FIG4: variants seen among roughly 807,000 people sequenced by gnomAD.
The protein encoded by FIG4 is FIG4 phosphoinositide 5-phosphatase, also known as polyphosphoinositide phosphatase.
A neutral mutation model predicts 118.6 loss-of-function variants in FIG4; 112 were observed. That is an observed-to-expected ratio of 0.94 (90% CI 0.81 to 1.11). The LOEUF is 1.11. FIG4 is among the 50% of genes least tolerant of loss of function. The pLI is 0.00. For missense variants in FIG4, 969 were observed against 1,111.7 expected (o/e 0.87, Z 1.83); for synonymous variants, 369 against 381.2 (o/e 0.97, Z 0.37).
chr6:109,813,394 G>A (rs1380673232), intron 22 of FIG4, among the ~76,000 whole-genome samples: 1 of 152,136 alleles, frequency 6.6e-6, no homozygotes, highest in African/African-American at 2.4e-5. Flanking sequence ...GTTTTTGCCA[G>A]TACTCCCTAA....
chr6:109,740,626 T>TA (rs1776294601), intron 7 of FIG4, among the ~76,000 whole-genome samples: 1 of 152,164 alleles, frequency 6.6e-6, no homozygotes, highest in Non-Finnish European at 1.5e-5. Context: ...TGACAAATTT[T>TA]GACTGCTTTT....
chr6:109,708,866 T>A (rs1403286448), intron 1 of FIG4, among the ~76,000 whole-genome samples: 2 of 152,204 alleles, frequency 1.3e-5, no homozygotes, highest in Non-Finnish European at 2.9e-5. Context: ...ATATTAGATC[T>A]CTGTCAGATG....
intron 16 of FIG4, among the ~76,000 whole-genome samples, chr6:109,780,380 T>G (rs936765561): frequency 6.6e-5 from 10 of 152,110 alleles, no homozygotes; most frequent in Non-Finnish European, 1.3e-4. Flanking sequence ...ACCCAGCTAA[T>G]TTTTGTATTT....
intron 1 of FIG4, among the ~76,000 whole-genome samples, chr6:109,699,300 G>C (rs1336427395): frequency 6.6e-6 from 1 of 152,052 alleles, no homozygotes; most frequent in Admixed American, 6.5e-5. Context: ...ATGTCTATAG[G>C]ATTTGTAGTA....
intron 3 of FIG4, among the ~76,000 whole-genome samples, chr6:109,724,494 C>T (rs1324158028): frequency 1.3e-5 from 2 of 152,190 alleles, no homozygotes; most frequent in African/African-American, 2.4e-5. Context: ...GAGAATTCTC[C>T]TGAGGTTGTT....
At chr6:109,771,977 A>G (rs1219089217) in intron 15 of FIG4, among the ~76,000 whole-genome samples, 1 of 151,636 alleles carries the variant, frequency 6.6e-6, no homozygotes, top group African/African-American at 2.4e-5. Context: ...CCACAGTCCT[A>G]TTTTTCTGCT....
intron 10 of FIG4, among the ~76,000 whole-genome samples, chr6:109,757,826 G>T (rs1256691175): frequency 6.6e-6 from 1 of 152,094 alleles, no homozygotes; most frequent in Non-Finnish European, 1.5e-5. Context: ...ATAATAGACA[G>T]AGAGTCAAAT....
chr6:109,786,461 G>A lies in FIG4; in HGVS notation c.2096+12G>A. ...ACAAGCTCAGCACGGTATGTTGTGT[G>A]TATTCTGATACCATAAGTATTTGAG... On this transcript the variant is annotated intron_variant, in intron 18 of 22. Transcript: ENST00000230124. The A allele has an allele frequency of 1.1e-5, 18 of 1,613,410 alleles. No homozygotes were observed. The highest frequency in any genetic ancestry group is 1.5e-5 in the Non-Finnish European group (18 of 1,179,422).
At chr6:109,698,439 T>G (rs1774801773) in intron 1 of FIG4, among the ~76,000 whole-genome samples, 1 of 152,226 alleles carries the variant, frequency 6.6e-6, no homozygotes, top group Non-Finnish European at 1.5e-5. Context: ...TAATTGAAAT[T>G]GTATAATCTA....
At chr6:109,754,913 G>T (rs1409434393) in intron 10 of FIG4, among the ~76,000 whole-genome samples, 1 of 151,944 alleles carries the variant, frequency 6.6e-6, no homozygotes, top group Non-Finnish European at 1.5e-5. Context: ...TTTTTTGAAG[G>T]ATTTTTTTTT....
At chr6:109,726,119 C>T (rs1032013751) in intron 3 of FIG4, among the ~76,000 whole-genome samples, 2 of 132,222 alleles carry the variant, frequency 1.5e-5, no homozygotes, top group African/African-American at 5.1e-5. Context: ...TCCCATTTGT[C>T]AATTTTGGCT....
chr6:109,815,865 G>A (rs371826213), intron 22 of FIG4, among the ~76,000 whole-genome samples: 3 of 151,768 alleles, frequency 2.0e-5, no homozygotes, highest in African/African-American at 4.8e-5. Flanking sequence ...TAGATTATGG[G>A]GGGGGGCACT....
intron 1 of FIG4, among the ~76,000 whole-genome samples, chr6:109,699,603 A>G (rs1452556546): frequency 2.0e-5 from 3 of 151,438 alleles, no homozygotes; most frequent in Non-Finnish European, 4.4e-5. Context: ...CCTGGGTTCA[A>G]GTGATTCTCC....
chr6:109,717,551 T>C (rs555304854), intron 3 of FIG4, among the ~76,000 whole-genome samples: 2 of 152,242 alleles, frequency 1.3e-5, no homozygotes, highest in Admixed American at 1.3e-4. Context: ...AGCCAAGCTG[T>C]GTAGTATGAA....
intron 4 of FIG4, among the ~76,000 whole-genome samples, chr6:109,731,174 G>A (rs1043450200): frequency 6.6e-6 from 1 of 152,182 alleles, no homozygotes; most frequent in Non-Finnish European, 1.5e-5. Context: ...CAGAATATCT[G>A]CTGTCATCAA....
intron 16 of FIG4, among the ~76,000 whole-genome samples, chr6:109,782,665 C>T (rs1201616929): frequency 1.3e-5 from 2 of 152,156 alleles, no homozygotes; most frequent in Admixed American, 6.5e-5. Flanking sequence ...TAGATCATCA[C>T]AGAATTAGAT....
At chr6:109,732,885 A>G (rs1776049312) in intron 5 of FIG4, among the ~76,000 whole-genome samples, 198 bp downstream of exon 5, 1 of 152,136 alleles carries the variant, frequency 6.6e-6, no homozygotes, top group Non-Finnish European at 1.5e-5. Flanking sequence ...AAATTAAAGG[A>G]TATTTATTCA....
Position 109,804,351 on chromosome 6 carries a change from AC to A in FIG4, c.2546+7502del, listed in dbSNP as rs556114012. On this transcript the variant is annotated intron_variant, in intron 22 of 22. Transcript: ENST00000230124. Reference sequence around the variant, plus strand: ...TGATTATTGAGCCTTGTGCTGTGTCACCGTGGCTTCCTGACAACCATTCCTT... The same window carrying A: ...TGATTATTGAGCCTTGTGCTGTGTCACGTGGCTTCCTGACAACCATTCCTT... Among the ~76,000 whole-genome samples, 278 of 152,248 alleles carry A rather than the reference AC, an allele frequency of 1.8e-3. 2 individuals are homozygous for A. Among genetic ancestry groups the A allele is most frequent in the African/African-American group, 5.8e-3 (240 of 41,552 alleles).
intron 10 of FIG4, among the ~76,000 whole-genome samples, chr6:109,759,310 T>G (rs1777024620): frequency 6.6e-6 from 1 of 152,012 alleles, no homozygotes; most frequent in Non-Finnish European, 1.5e-5. Context: ...TGGAACTACC[T>G]AATGTAGATA....
Sources: allele counts gnomAD v4.1 joint callset (sites outside exome capture counted in the v4.1 genomes callset), GRCh38; gene constraint gnomAD v4.1.1; transcripts MANE v1.5; gene names NCBI Gene and HGNC (gene_info 2026-07-23, HGNC 2026-07-21).